SPATA6: variants seen among roughly 807,000 people sequenced by gnomAD.
SPATA6 encodes spermatogenesis associated 6.
Under a neutral mutation model 65.3 loss-of-function variants are expected in SPATA6, and 56 were observed. The ratio of observed to expected loss-of-function variants is 0.86; its 90% CI spans 0.69 to 1.07. SPATA6 has a LOEUF of 1.07. Among genes scored for constraint, SPATA6 ranks in the 50% least tolerant of loss-of-function variants. The pLI is 0.00. For missense variants in SPATA6, 590 were observed against 594.8 expected (o/e 0.99, Z 0.08); for synonymous variants, 199 against 213.2 (o/e 0.93, Z 0.58).
intron 1 of SPATA6, among the ~76,000 whole-genome samples, chr1:48,460,528 A>G (rs1570644220): frequency 6.6e-6 from 1 of 152,146 alleles, no homozygotes; most frequent in Non-Finnish European, 1.5e-5. Flanking sequence ...CACTCTCAAC[A>G]CCTCTATACC....
intron 11 of SPATA6, among the ~76,000 whole-genome samples, chr1:48,337,292 ATC>A (rs1365087609): frequency 1.3e-5 from 2 of 151,906 alleles, no homozygotes; most frequent in Admixed American, 6.6e-5. Context: ...CAGAATAATC[ATC>A]TCAGTAGATA....
Position 48,298,618 on chromosome 1 carries a change from A to T in SPATA6, c.*95T>A. On this transcript the variant is annotated 3_prime_UTR_variant, in exon 13 of 13. Coordinates refer to ENST00000371847, the MANE Select transcript of SPATA6 (RefSeq NM_019073.4). Reference sequence around the variant, plus strand: ...AACTATTGTACTTAGTTATAATCCCATTTTTTTTAAAAAAAGGAATACAGA... The same window carrying T: ...AACTATTGTACTTAGTTATAATCCCTTTTTTTTTAAAAAAAGGAATACAGA... 1 of 1,250,240 alleles carries T rather than the reference A, an allele frequency of 8.0e-7. No individual in the cohort carries two copies. The allele number at this position is 1,250,240 out of a possible 1,614,324, so 77.4% of individuals were successfully genotyped here.
Position 48,470,648 on chromosome 1 carries a change from G to A in SPATA6, c.51+1310C>T, listed in dbSNP as rs563519664. ...CTAACAAAAGACCTAAAACAGTCCT[G>A]TGATTTTCCTAGGGGTTTAAGTTCT... On this transcript the variant is annotated intron_variant, in intron 1 of 12. Coordinates refer to ENST00000371847, the MANE Select transcript of SPATA6 (RefSeq NM_019073.4). Among the ~76,000 whole-genome samples the A allele has an allele frequency of 2.6e-5, 4 of 152,178 alleles. No homozygotes were observed. The South Asian group carries it at 6.2e-4, about 24-fold the overall frequency.
At position 48,419,834 on chromosome 1, in the gene SPATA6, G is replaced by A. The variant is rs1441947592; in HGVS notation, c.239-6683C>T. Among the ~76,000 whole-genome samples, 3 of 152,180 alleles carry A rather than the reference G, an allele frequency of 2.0e-5. No individual in the cohort carries two copies. In the East Asian group the frequency reaches 5.8e-4, roughly 29 times the overall value. The stretch of plus-strand genomic sequence containing the variant: ...ATCAATGATAGAAATTAAAGAGAAA[G>A]TTTTCCAAGAAGTAAAAGGAGTCCA... On this transcript the variant is annotated intron_variant, in intron 3 of 12. Transcript: ENST00000371847.
intron 3 of SPATA6, among the ~76,000 whole-genome samples, chr1:48,420,875 A>G (rs1653260801): frequency 6.6e-6 from 1 of 152,236 alleles, no homozygotes; most frequent in Non-Finnish European, 1.5e-5. Flanking sequence ...ATGAAATCTT[A>G]TCATTTGCAA....
intron 8 of SPATA6, among the ~76,000 whole-genome samples, chr1:48,386,295 G>A (rs1649455603): frequency 6.6e-6 from 1 of 152,006 alleles, no homozygotes; most frequent in Non-Finnish European, 1.5e-5. Context: ...ATGTAGATTT[G>A]GAGCTTTACT....
chr1:48,340,241 TAAAAAAAAAAAAA>T (rs58721253), intron 11 of SPATA6, among the ~76,000 whole-genome samples: 7,697 of 53,814 alleles, frequency 0.14, 378 homozygotes, highest in Middle Eastern at 0.17. Flanking sequence ...AGGCCTGCAC[TAAAAAAAAAAAAA>T]AAAAAAAAAA....
chr1:48,415,425 G>T (rs943926583), intron 3 of SPATA6, among the ~76,000 whole-genome samples: 8 of 151,912 alleles, frequency 5.3e-5, no homozygotes, highest in Non-Finnish European at 7.4e-5. Flanking sequence ...GGTGTTTTTG[G>T]TTTTTGTTTT....
chr1:48,393,801 T>C (rs1389961137), intron 8 of SPATA6, among the ~76,000 whole-genome samples: 1 of 152,048 alleles, frequency 6.6e-6, no homozygotes, highest in Non-Finnish European at 1.5e-5. Flanking sequence ...TGCCTTCTAG[T>C]TGGGTCCTCA....
At chr1:48,293,942 C>A (rs952116017), downstream of SPATA6, among the ~76,000 whole-genome samples, 4 of 152,170 alleles carry the variant, frequency 2.6e-5, no homozygotes, top group African/African-American at 9.7e-5. Context: ...TACTGATTAT[C>A]TGAGGAAACA....
intron 11 of SPATA6, among the ~76,000 whole-genome samples, chr1:48,332,981 A>T (rs1179365161): frequency 6.6e-6 from 1 of 152,202 alleles, no homozygotes; most frequent in African/African-American, 2.4e-5. Flanking sequence ...AACTCAGGTT[A>T]ATTATCAAAT....
intron 12 of SPATA6, among the ~76,000 whole-genome samples, chr1:48,299,533 A>AAAAAAAAAAAAAAAAAAAAAAAAAAC (rs1644883786): frequency 6.7e-6 from 1 of 150,108 alleles, no homozygotes; most frequent in Non-Finnish European, 1.5e-5. Context: ...AAAAAAAAAA[A>AAAAAAAAAAAAAAAAAAAAAAAAAAC]AAAAGAATGC....
intron 11 of SPATA6, among the ~76,000 whole-genome samples, chr1:48,320,435 C>T (rs192469698): frequency 3.9e-5 from 6 of 152,246 alleles, no homozygotes; most frequent in African/African-American, 1.2e-4. Flanking sequence ...CAGTGGAAAC[C>T]TTACAGGCCA....
chr1:48,396,286 T>C (rs1372995241), intron 7 of SPATA6, among the ~76,000 whole-genome samples: 1 of 151,748 alleles, frequency 6.6e-6, no homozygotes, highest in African/African-American at 2.4e-5. Flanking sequence ...TGGTGTGCAG[T>C]GCAAAATGGT....
intron 8 of SPATA6, among the ~76,000 whole-genome samples, chr1:48,387,883 G>A (rs774044255): frequency 1.3e-5 from 2 of 152,118 alleles, no homozygotes; most frequent in African/African-American, 2.4e-5. Flanking sequence ...AATGCACACC[G>A]CTTGGGACCC....
chr1:48,398,969 A>C (rs1464082892), intron 7 of SPATA6: 1 of 158,134 alleles, frequency 6.3e-6, no homozygotes, highest in African/African-American at 2.4e-5. Context: ...TTTATAATTT[A>C]AAAAAGGAGG....
chr1:48,263,051 A>G, the SPATA6 span: 1 of 152,282 alleles, frequency 6.6e-6, no homozygotes, highest in African/African-American at 2.4e-5. Context: ...ATGACAGGTA[A>G]TCTCTACACT....
chr1:48,395,239 C>T, intron 8 of SPATA6, 28 bp downstream of exon 8: 1 of 1,496,826 alleles, frequency 6.7e-7, no homozygotes, highest in Non-Finnish European at 8.9e-7. Flanking sequence ...GCAACTACAG[C>T]AATGAATAAA....
chr1:48,384,564 G>T (rs1199160844), intron 9 of SPATA6, among the ~76,000 whole-genome samples: 1 of 151,830 alleles, frequency 6.6e-6, no homozygotes, highest in Non-Finnish European at 1.5e-5. Context: ...AATAATAATG[G>T]TACCCAAAAT....
Sources: allele counts gnomAD v4.1 joint callset (sites outside exome capture counted in the v4.1 genomes callset), GRCh38; gene constraint gnomAD v4.1.1; transcripts MANE v1.5; gene names NCBI Gene and HGNC (gene_info 2026-07-23, HGNC 2026-07-21).